Variants in MTDH observed in about 807,000 individuals in gnomAD.
MTDH encodes the protein protein LYRIC.
A neutral mutation model predicts 72.7 loss-of-function variants in MTDH; 34 were observed. The observed-to-expected ratio is 0.47, with a 90% CI of 0.36 to 0.62. The LOEUF (loss-of-function observed/expected upper bound fraction) is 0.62, where lower values mean the gene tolerates loss of function less well. MTDH is among the 20% of genes least tolerant of loss of function. The pLI, the probability that MTDH is intolerant of heterozygous loss-of-function variation, is 0.00. For missense variants in MTDH, 677 were observed against 699.4 expected (o/e 0.97, Z 0.36); for synonymous variants, 266 against 268.9 (o/e 0.99, Z 0.10).
intron 6 of MTDH, 60 bp downstream of exon 6, chr8:97,691,248 T>C (rs951435879): frequency 8.7e-6 from 11 of 1,257,936 alleles, no homozygotes; most frequent in African/African-American, 1.5e-5. Context: ...ACATTTTTAA[T>C]TTTTCAGAAA....
At chr8:97,720,825 T>C (rs1815092407) in intron 10 of MTDH, among the ~76,000 whole-genome samples, 1 of 151,708 alleles carries the variant, frequency 6.6e-6, no homozygotes, top group African/African-American at 2.4e-5. Flanking sequence ...GGCTAATTTT[T>C]ATATTTTTAG....
chr8:97,722,095 A>G (rs968779773), intron 10 of MTDH, among the ~76,000 whole-genome samples: 25 of 152,150 alleles, frequency 1.6e-4, no homozygotes, highest in Non-Finnish European at 2.8e-4. Flanking sequence ...ACAACCAATG[A>G]ATCACTAACA....
intron 2 of MTDH, among the ~76,000 whole-genome samples, chr8:97,675,075 G>T (rs1431102221): frequency 6.6e-6 from 1 of 152,122 alleles, no homozygotes; most frequent in Non-Finnish European, 1.5e-5. Context: ...CTCCCAAATT[G>T]TTGAGATTAC....
chr8:97,722,431 C>T (rs1191109572), intron 10 of MTDH, among the ~76,000 whole-genome samples: 1 of 152,006 alleles, frequency 6.6e-6, no homozygotes, highest in Non-Finnish European at 1.5e-5. Context: ...GAAACCTTGT[C>T]TCTACTAAAA....
intron 2 of MTDH, among the ~76,000 whole-genome samples, chr8:97,683,982 A>G (rs996243939): frequency 6.6e-6 from 1 of 152,084 alleles, no homozygotes; most frequent in Non-Finnish European, 1.5e-5. Context: ...ATGGTAGCGC[A>G]TGCCTGTAAT....
chr8:97,656,350 G>A (rs1240730642), intron 1 of MTDH, among the ~76,000 whole-genome samples: 3 of 144,932 alleles, frequency 2.1e-5, no homozygotes, highest in African/African-American at 5.2e-5. Flanking sequence ...CTGTCCCCAG[G>A]CTGGAGTGCA....
chr8:97,669,304 C>T (rs1206130273), intron 2 of MTDH, among the ~76,000 whole-genome samples: 1 of 151,992 alleles, frequency 6.6e-6, no homozygotes, highest in East Asian at 2.0e-4. Context: ...CACCTGCCAC[C>T]ACACCCAACT....
At chr8:97,718,544 A>G (rs1024348554) in intron 9 of MTDH, among the ~76,000 whole-genome samples, 1 of 148,332 alleles carries the variant, frequency 6.7e-6, no homozygotes, top group African/African-American at 2.5e-5. Flanking sequence ...TTTGTGAGAC[A>G]GAGTTTTCCT....
intron 2 of MTDH, 37 bp from the exon 3 acceptor site, chr8:97,686,631 T>A: frequency 7.4e-7 from 1 of 1,358,124 alleles, no homozygotes; most frequent in African/African-American, 1.5e-5. Flanking sequence ...TTCAAAAACA[T>A]AACAAAATAT....
At chr8:97,704,648 G>T (rs1049439636) in intron 7 of MTDH, among the ~76,000 whole-genome samples, 5 of 151,604 alleles carry the variant, frequency 3.3e-5, no homozygotes, top group Non-Finnish European at 5.9e-5. Context: ...TACATATAAT[G>T]TTTTATTTTT....
In MTDH at chr8:97,707,408, C is replaced by A. The variant is rs147916579; in HGVS notation, c.1272+658C>A. On this transcript the variant is annotated intron_variant, in intron 8 of 11. Coordinates refer to ENST00000336273, the MANE Select transcript of MTDH (RefSeq NM_178812.4). Reference sequence around the variant, plus strand: ...CAGGTGATCCGCTCACCTCAGCCCCCCAAAGTGCTGGGATTACAGGCGTAA... The same window carrying A: ...CAGGTGATCCGCTCACCTCAGCCCCACAAAGTGCTGGGATTACAGGCGTAA... Among the ~76,000 whole-genome samples the A allele has an allele frequency of 2.7e-4, 41 of 151,014 alleles. 1 individual carries two copies. Among genetic ancestry groups the A allele is most frequent in the Admixed American group, 2.2e-3 (33 of 15,188 alleles).
intron 1 of MTDH, among the ~76,000 whole-genome samples, chr8:97,645,801 A>G (rs893370664): frequency 6.6e-6 from 1 of 152,216 alleles, no homozygotes; most frequent in Non-Finnish European, 1.5e-5. Context: ...GTATTTTTAA[A>G]AATATTTTAC....
rs762467268 is a variant in MTDH, at chr8:97,724,677, T to C, written c.*7T>C. 6.3e-7 allele frequency: 1 copy of C among 1,586,180 alleles called. No individual in the cohort carries two copies. Among genetic ancestry groups the C allele is most frequent in the South Asian group, 1.2e-5 (1 of 85,358 alleles). On this transcript the variant is annotated 3_prime_UTR_variant, in exon 12 of 12. Coordinates refer to ENST00000336273, the MANE Select transcript of MTDH (RefSeq NM_178812.4). ...AGCCAGACGAGAAACGTGAAATTTT[T>C]TTTCCTGAATTGGACATGTGTTTGC...
intron 11 of MTDH, among the ~76,000 whole-genome samples, chr8:97,723,800 G>A (rs1337375532): frequency 1.3e-5 from 2 of 151,338 alleles, no homozygotes; most frequent in East Asian, 2.0e-4. Context: ...AGTTGTGAAG[G>A]CCAAGTTGTT....
chr8:97,715,513 C>T (rs1390251976), intron 9 of MTDH, among the ~76,000 whole-genome samples: 1 of 152,202 alleles, frequency 6.6e-6, no homozygotes, highest in Non-Finnish European at 1.5e-5. Context: ...AGCACAAACC[C>T]TCATAAATGA....
In MTDH at chr8:97,706,728, A is replaced by C; in HGVS notation, c.1250A>C (p.Glu417Ala). 6.2e-7 allele frequency: 1 copy of C among 1,613,704 alleles called. No homozygotes were observed. The highest frequency in any genetic ancestry group is 1.7e-4 in the Middle Eastern group (1 of 6,060). Residue 417 changes from glutamate (E) to alanine (A), a missense_variant, in exon 8 of 12, where the codon GAA (glutamate) becomes GCA (alanine). Physicochemically the swap from Glu to Ala is moderately radical, Grantham distance 107. This residue lies in a region of MTDH where 201 missense variants were observed against 204.5 expected (regional missense o/e 0.98). Transcript: ENST00000336273. The part of the protein sequence containing the change: ...EERASLLKSQ[E>A]PIPDDQKVSD... ...AGAGCTTCACTTCTAAAGTCCCAGGAACCAATTCCTGATGATCAAAAGGTG... is the reference window on the plus strand; with the variant it reads ...AGAGCTTCACTTCTAAAGTCCCAGGCACCAATTCCTGATGATCAAAAGGTG...
intron 8 of MTDH, among the ~76,000 whole-genome samples, chr8:97,708,985 G>A (rs1241567147): frequency 6.6e-6 from 1 of 151,408 alleles, no homozygotes; most frequent in Non-Finnish European, 1.5e-5. Flanking sequence ...AAGGTCAGGA[G>A]TTCAAGACCA....
At chr8:97,681,491 C>CTTTTTTTTTTTTT (rs35262209) in intron 2 of MTDH, among the ~76,000 whole-genome samples, 1 of 108,868 alleles carries the variant, frequency 9.2e-6, no homozygotes, top group African/African-American at 3.5e-5. Context: ...AGAATTTTTT[C>CTTTTTTTTTTTTT]TTTTTTTTTT....
Position 97,713,748 on chromosome 8 carries a change from T to C in MTDH, c.1359T>C (p.Gly453=), listed in dbSNP as rs1159364789. ...KKKKKKKKKQ[G]EDNSTAQDTE... ...AAAAAAAGAAAAAGAAGAAGCAAGG[T>C]GAAGATAACTCTACTGCACAGGTAA... Residue 453 remains glycine (G), a synonymous_variant, in exon 9 of 12, where the codon GGT becomes GGC. Coordinates refer to ENST00000336273, the MANE Select transcript of MTDH (RefSeq NM_178812.4). 3 of 1,597,184 alleles carry C rather than the reference T, an allele frequency of 1.9e-6. No homozygotes were observed. Among genetic ancestry groups the C allele is most frequent in the Non-Finnish European group, 2.6e-6 (3 of 1,171,598 alleles).
Sources: gnomAD v4.1 joint callset for allele counts (sites outside exome capture counted in the v4.1 genomes callset) on GRCh38, gnomAD v4.1.1 for gene constraint, gnomAD v4.1.1 regional missense constraint, MANE v1.5 for transcripts, NCBI Gene and HGNC (gene_info 2026-07-23, HGNC 2026-07-21) for gene names.